The following UCHL5 variants were observed in gnomAD, a reference collection of about 807,000 sequenced individuals.
The protein encoded by UCHL5 is ubiquitin carboxyl-terminal hydrolase isozyme L5.
In UCHL5, 34 loss-of-function variants were observed where a neutral mutation model predicts 53.8. That is an observed-to-expected ratio of 0.63 (90% CI 0.48 to 0.84). The LOEUF is 0.84. UCHL5 is among the 40% of genes least tolerant of loss of function. UCHL5 has a pLI of 0.00. For missense variants in UCHL5, 290 were observed against 385.6 expected (o/e 0.75, Z 2.08); for synonymous variants, 111 against 126.3 (o/e 0.88, Z 0.81).
At chr1:193,034,699 A>C (rs1410517025) in intron 3 of UCHL5, among the ~76,000 whole-genome samples, 1 of 152,086 alleles carries the variant, frequency 6.6e-6, no homozygotes, top group Admixed American at 6.5e-5. Context: ...CCTAAACAAA[A>C]TACTACTATA....
At chr1:193,054,793 T>C (rs1403948182) in intron 1 of UCHL5, among the ~76,000 whole-genome samples, 1 of 152,178 alleles carries the variant, frequency 6.6e-6, no homozygotes, top group Non-Finnish European at 1.5e-5. Flanking sequence ...AAACACCACG[T>C]TGGACCCAAA....
At chr1:193,020,066 C>T in intron 10 of UCHL5, 5 of 984,910 alleles carry the variant, frequency 5.1e-6, no homozygotes, top group Non-Finnish European at 6.0e-6. Flanking sequence ...TCTTAGAATA[C>T]ACCCTGAGAT....
upstream of UCHL5, chr1:193,059,761 C>T (rs1338134824): frequency 2.2e-6 from 3 of 1,355,728 alleles, no homozygotes; most frequent in Non-Finnish European, 2.9e-6. The surrounding 1 kb of genome is among the most constrained non-coding windows in gnomAD (Gnocchi z 4.9). Context: ...TCCAGGGGGT[C>T]GGCTGCCAGG....
At chr1:193,022,382 G>C (rs1185700749) in intron 9 of UCHL5, among the ~76,000 whole-genome samples, 1 of 152,070 alleles carries the variant, frequency 6.6e-6, no homozygotes, top group African/African-American at 2.4e-5. Flanking sequence ...CATAACACAT[G>C]ACAAATGACA....
rs1308025665 is a variant in UCHL5 at position 193,059,289 on chromosome 1, C to T, written c.-29G>A. 6.2e-7 allele frequency: 1 copy of T among 1,613,086 alleles called. No homozygotes were observed. The highest frequency in any genetic ancestry group is 8.5e-7 in the Non-Finnish European group (1 of 1,179,644). On this transcript the variant is annotated 5_prime_UTR_variant, in exon 1 of 11. In the 5' UTR this introduces an upstream ATG that the reference lacks. Transcript: ENST00000367454. The surrounding 1 kb of genome is among the most constrained non-coding windows in gnomAD (Gnocchi z 4.9). ...CCTGGCCACACACCGCCCCGATCCA[C>T]CTCTCGCTCTCAGCTGCCCCCCGCA...
chr1:193,047,593 T>C (rs1163562093), intron 3 of UCHL5, among the ~76,000 whole-genome samples: 3 of 152,196 alleles, frequency 2.0e-5, no homozygotes, highest in Non-Finnish European at 4.4e-5. Flanking sequence ...AGCAGTTTTA[T>C]TTTCCACCTT....
chr1:193,036,978 C>CA (rs1663746223), intron 3 of UCHL5, among the ~76,000 whole-genome samples: 1 of 151,550 alleles, frequency 6.6e-6, no homozygotes, highest in African/African-American at 2.4e-5. Context: ...TACAGCATAC[C>CA]AAAATCTATG....
intron 10 of UCHL5, among the ~76,000 whole-genome samples, chr1:193,019,210 C>A (rs1655993218): frequency 6.6e-6 from 1 of 151,420 alleles, no homozygotes; most frequent in African/African-American, 2.4e-5. Flanking sequence ...GATCTTTAGC[C>A]TGACTTTATC....
chr1:193,028,882 C>T (rs112629587), intron 6 of UCHL5, among the ~76,000 whole-genome samples: 3 of 152,078 alleles, frequency 2.0e-5, no homozygotes, highest in African/African-American at 4.8e-5. Context: ...TAACTATTTA[C>T]GTTCACTAAG....
intron 7 of UCHL5, 123 bp downstream of exon 7, chr1:193,027,962 A>G: frequency 6.6e-7 from 1 of 1,514,344 alleles, no homozygotes. Context: ...GTCTCTACGA[A>G]AAATTAAAAA....
chr1:193,059,832 C>G (rs1270259903), upstream of UCHL5: 2 of 1,359,718 alleles, frequency 1.5e-6, no homozygotes, highest in Non-Finnish European at 2.0e-6. This position sits in a 1 kb window ranked among gnomAD's most constrained non-coding sequence, Gnocchi z 4.9. Flanking sequence ...CAGGGACGCG[C>G]AAATTCTGAC....
Position 193,013,397 on chromosome 1 carries a change from G to A in UCHL5, c.*2954C>T, listed in dbSNP as rs1235374927. The A allele has an allele frequency of 6.6e-6, 1 of 152,076 alleles. No homozygotes were observed. Among genetic ancestry groups the A allele is most frequent in the African/African-American group, 2.4e-5 (1 of 41,394 alleles). The allele number at this position is 152,076 out of a possible 1,614,324, so 9.4% of individuals were successfully genotyped here. A position where few individuals can be genotyped will look rare whatever the true frequency, so the allele number is the denominator to read the frequency against. ...CCTCTTCAAATAGCTAGAGTGGTTTGTTTCCTGAAAATTTGTATATGATCA... is the reference window on the plus strand; with the variant it reads ...CCTCTTCAAATAGCTAGAGTGGTTTATTTCCTGAAAATTTGTATATGATCA... On this transcript the variant is annotated 3_prime_UTR_variant, in exon 11 of 11. Transcript: ENST00000367454.
intron 3 of UCHL5, among the ~76,000 whole-genome samples, chr1:193,038,199 G>C (rs1430084441): frequency 1.3e-5 from 2 of 152,188 alleles, no homozygotes; most frequent in Non-Finnish European, 2.9e-5. Flanking sequence ...GCTCACGCCT[G>C]TAATCACAGC....
chr1:193,038,165 T>TA (rs1208778174), intron 3 of UCHL5, among the ~76,000 whole-genome samples: 2 of 152,050 alleles, frequency 1.3e-5, no homozygotes, highest in Non-Finnish European at 2.9e-5. Flanking sequence ...TAAAAAAAGT[T>TA]AAAGTCTTAG....
rs1654818707 is a variant in UCHL5 at position 193,015,862 on chromosome 1, A to G, written c.*489T>C. The G allele has an allele frequency of 6.6e-6, 1 of 152,446 alleles. No individual in the cohort carries two copies. Among genetic ancestry groups the G allele is most frequent in the Non-Finnish European group, 1.5e-5 (1 of 68,220 alleles). The allele number at this position is 152,446 out of a possible 1,614,324, so 9.4% of individuals were successfully genotyped here. Reference sequence around the variant, plus strand: ...TTTTTAAATGATTTACATTAAAATCATACTTTCTCAAATAACTGGTATAGC... The same window carrying G: ...TTTTTAAATGATTTACATTAAAATCGTACTTTCTCAAATAACTGGTATAGC... On this transcript the variant is annotated 3_prime_UTR_variant, in exon 11 of 11. Coordinates refer to ENST00000367454, the MANE Select transcript of UCHL5 (RefSeq NM_001199261.3).
Position 193,014,631 on chromosome 1 carries a change from G to T in UCHL5, c.*1720C>A, listed in dbSNP as rs772665748. 1 of 152,130 alleles carries T rather than the reference G, an allele frequency of 6.6e-6. No individual in the cohort carries two copies. Among genetic ancestry groups the T allele is most frequent in the East Asian group, 1.9e-4 (1 of 5,184 alleles). 9.4% of individuals were successfully genotyped at this position (152,130 alleles called of 1,614,324 possible). A position where few individuals can be genotyped will look rare whatever the true frequency, so the allele number is the denominator to read the frequency against. On this transcript the variant is annotated 3_prime_UTR_variant, in exon 11 of 11. Transcript: ENST00000367454. Reference sequence around the variant, plus strand: ...TCTCAAAGTCATTTTTGTGAGGTAGGGGGTCATTGTTCACTTTTTTCTATA... The same window carrying T: ...TCTCAAAGTCATTTTTGTGAGGTAGTGGGTCATTGTTCACTTTTTTCTATA...
intron 3 of UCHL5, among the ~76,000 whole-genome samples, chr1:193,036,503 A>G (rs1430868000): frequency 6.6e-6 from 1 of 152,010 alleles, no homozygotes; most frequent in African/African-American, 2.4e-5. Flanking sequence ...TCCCAAGTGT[A>G]TAAATATAAA....
chr1:193,042,638 C>T (rs1358504587), intron 3 of UCHL5, among the ~76,000 whole-genome samples: 1 of 152,122 alleles, frequency 6.6e-6, no homozygotes, highest in Non-Finnish European at 1.5e-5. Context: ...TCTGCAAAAG[C>T]CTCCTAACTT....
At chr1:193,052,969 GA>G (rs1271270086) in intron 1 of UCHL5, among the ~76,000 whole-genome samples, 1 of 151,736 alleles carries the variant, frequency 6.6e-6, no homozygotes, top group Non-Finnish European at 1.5e-5. Context: ...GGTTAAAAAA[GA>G]AAAAAAAGTT....
Sources: allele counts gnomAD v4.1 joint callset (sites outside exome capture counted in the v4.1 genomes callset), GRCh38; gene constraint gnomAD v4.1.1; non-coding constraint Gnocchi (gnomAD v3.1); transcripts MANE v1.5; gene names NCBI Gene and HGNC (gene_info 2026-07-23, HGNC 2026-07-21).